Variants in LMBRD1 observed in about 807,000 individuals in gnomAD.
LMBRD1 encodes lysosomal cobalamin transport escort protein LMBD1.
In LMBRD1, 64 loss-of-function variants were observed where a neutral mutation model predicts 74.8. That is an observed-to-expected ratio of 0.86 (90% CI 0.70 to 1.05). LMBRD1 has a LOEUF of 1.05. Ranked by LOEUF, LMBRD1 falls within the 50% of genes least tolerant of loss-of-function variation. LMBRD1 has a pLI of 0.00. For missense variants in LMBRD1, 652 were observed against 645.9 expected (o/e 1.01, Z -0.10); for synonymous variants, 204 against 216.3 (o/e 0.94, Z 0.50).
chr6:69,788,244 T>A (rs1404837252), intron 2 of LMBRD1, among the ~76,000 whole-genome samples: 1 of 152,096 alleles, frequency 6.6e-6, no homozygotes, highest in Non-Finnish European at 1.5e-5. Flanking sequence ...TGCTCAATTC[T>A]AAACTAAAAA....
Position 69,737,979 on chromosome 6 carries a change from A to G in LMBRD1, c.599T>C (p.Leu200Pro). 6.2e-7 allele frequency: 1 copy of G among 1,611,256 alleles called. No homozygotes were observed. Among genetic ancestry groups the G allele is most frequent in the Non-Finnish European group, 8.5e-7 (1 of 1,178,264 alleles). ...LAALSFSISS[L>P]TLIGMLAAIT... ...AGCTGCCAACATTCCAATCAAGGTCAGAGAACTGATAGAAAATGACAATGC... is the reference window on the plus strand; with the variant it reads ...AGCTGCCAACATTCCAATCAAGGTCGGAGAACTGATAGAAAATGACAATGC... The change falls in exon 7 of 16, where the codon CTG becomes CCG. Residue 200 changes from leucine to proline, a missense_variant. By Grantham distance (98) the Leu-to-Pro change is moderately conservative (BLOSUM62 -3). Transcript: ENST00000649934.
intron 5 of LMBRD1, among the ~76,000 whole-genome samples, chr6:69,743,815 C>A (rs568113580): frequency 2.0e-5 from 3 of 152,132 alleles, no homozygotes; most frequent in African/African-American, 7.2e-5. Context: ...CACTGATGAA[C>A]CAGGCTTTCC....
Position 69,740,458 on chromosome 6 carries a change from A to G in LMBRD1, c.562+1331T>C, listed in dbSNP as rs961199564. On this transcript the variant is annotated intron_variant, in intron 6 of 15. Coordinates refer to ENST00000649934, the MANE Select transcript of LMBRD1 (RefSeq NM_018368.4). ...AAGATATCTAAAGGAGTTAACTCCAAGAAAAGAAGCCATTAATTTATCAGC... is the reference window on the plus strand; with the variant it reads ...AAGATATCTAAAGGAGTTAACTCCAGGAAAAGAAGCCATTAATTTATCAGC... 5.3e-5 allele frequency among the ~76,000 whole-genome samples: 8 copies of G among 152,218 alleles called. No homozygotes were observed. The East Asian group carries it at 1.5e-3, about 29-fold the overall frequency.
chr6:69,701,857 A>C, intron 10 of LMBRD1, 32 bp downstream of exon 10: 1 of 1,368,850 alleles, frequency 7.3e-7, no homozygotes, highest in Middle Eastern at 1.8e-4. Flanking sequence ...AATTTGTATA[A>C]GTGCTTTAGA....
chr6:69,678,609 T>C (rs1470547964), intron 14 of LMBRD1, among the ~76,000 whole-genome samples: 2 of 152,158 alleles, frequency 1.3e-5, no homozygotes, highest in African/African-American at 2.4e-5. Context: ...TAAATTATAA[T>C]TTCTACATAT....
intron 3 of LMBRD1, among the ~76,000 whole-genome samples, chr6:69,759,573 A>G (rs920767522): frequency 6.6e-5 from 10 of 152,152 alleles, no homozygotes; most frequent in Non-Finnish European, 1.5e-4. Flanking sequence ...CACTTGAAAG[A>G]ATAAACCAAA....
chr6:69,732,558 G>T (rs573240479), intron 7 of LMBRD1, among the ~76,000 whole-genome samples: 70 of 152,000 alleles, frequency 4.6e-4, no homozygotes, highest in Admixed American at 1.2e-3. Context: ...ACATTTGATG[G>T]GTACAAGAAG....
At chr6:69,772,219 A>G (rs1279724867) in intron 3 of LMBRD1, among the ~76,000 whole-genome samples, 1 of 152,222 alleles carries the variant, frequency 6.6e-6, no homozygotes, top group Non-Finnish European at 1.5e-5. Flanking sequence ...GATATTTAGA[A>G]GGAAGCAATG....
intron 7 of LMBRD1, among the ~76,000 whole-genome samples, chr6:69,727,470 A>G (rs1264731849): frequency 6.6e-6 from 1 of 152,210 alleles, no homozygotes; most frequent in African/African-American, 2.4e-5. Context: ...TTTCCCTCTA[A>G]TTACCTCAAT....
intron 3 of LMBRD1, among the ~76,000 whole-genome samples, chr6:69,769,777 A>T (rs1170617325): frequency 2.0e-5 from 3 of 151,594 alleles, no homozygotes; most frequent in Non-Finnish European, 4.4e-5. Context: ...AGCTCAAAAA[A>T]ATATATATTT....
intron 7 of LMBRD1, among the ~76,000 whole-genome samples, chr6:69,721,794 C>T (rs925349313): frequency 2.6e-5 from 4 of 152,214 alleles, no homozygotes; most frequent in African/African-American, 7.2e-5. Context: ...TAGAGGACAG[C>T]ATTTTTAGAC....
chr6:69,697,215 G>A (rs190256098), intron 14 of LMBRD1, among the ~76,000 whole-genome samples: 127 of 151,838 alleles, frequency 8.4e-4, no homozygotes, highest in Non-Finnish European at 1.5e-3. Flanking sequence ...ATTGTTCTAG[G>A]TCATAAGTAC....
intron 5 of LMBRD1, among the ~76,000 whole-genome samples, chr6:69,748,980 C>T (rs770499086): frequency 7.9e-5 from 12 of 151,838 alleles, no homozygotes; most frequent in Non-Finnish European, 1.6e-4. Flanking sequence ...GAAGGAAACG[C>T]AATATAGTCA....
chr6:69,766,881 A>C (rs1287581736), intron 3 of LMBRD1, among the ~76,000 whole-genome samples: 1 of 151,760 alleles, frequency 6.6e-6, no homozygotes, highest in African/African-American at 2.4e-5. Flanking sequence ...ATTTTAAATA[A>C]ATAATTCAAC....
At chr6:69,779,655 AGAT>A (rs1460279441) in intron 3 of LMBRD1, among the ~76,000 whole-genome samples, 2 of 152,228 alleles carry the variant, frequency 1.3e-5, no homozygotes, top group African/African-American at 4.8e-5. Flanking sequence ...AGGAGAGGTG[AGAT>A]TTAAAGTAAC....
At chr6:69,758,859 A>G (rs1036956242) in intron 3 of LMBRD1, among the ~76,000 whole-genome samples, 2 of 152,100 alleles carry the variant, frequency 1.3e-5, no homozygotes, top group African/African-American at 4.8e-5. Flanking sequence ...GAACATGATA[A>G]TATCATGAGG....
chr6:69,785,617 A>T (rs569664415), intron 2 of LMBRD1, among the ~76,000 whole-genome samples: 13 of 152,208 alleles, frequency 8.5e-5, no homozygotes, highest in African/African-American at 2.6e-4. Flanking sequence ...CCCTATATCT[A>T]ATCTATCAGC....
At chr6:69,682,390 G>A (rs1197420564) in intron 14 of LMBRD1, among the ~76,000 whole-genome samples, 3 of 151,856 alleles carry the variant, frequency 2.0e-5, no homozygotes, top group Non-Finnish European at 4.4e-5. Flanking sequence ...AAGTTTCAGA[G>A]TAACCATTTT....
At chr6:69,706,402 A>G (rs7763213) in intron 9 of LMBRD1, among the ~76,000 whole-genome samples, 86,953 of 152,032 alleles carry the variant, frequency 0.57, 25,377 homozygotes, top group East Asian at 0.74. Flanking sequence ...AAGTATGTTA[A>G]TCTATTGATT....
Sources: gnomAD v4.1 joint callset for allele counts (sites outside exome capture counted in the v4.1 genomes callset) on GRCh38, gnomAD v4.1.1 for gene constraint, MANE v1.5 for transcripts, NCBI Gene and HGNC (gene_info 2026-07-23, HGNC 2026-07-21) for gene names.